SHQ1: variants seen among roughly 807,000 people sequenced by gnomAD.
SHQ1 encodes protein SHQ1 homolog.
In SHQ1, 49 loss-of-function variants were observed where a neutral mutation model predicts 53.8. That is an observed-to-expected ratio of 0.91 (90% CI 0.72 to 1.16). SHQ1 has a LOEUF of 1.16. Ranked by LOEUF, SHQ1 falls within the 50% of genes most tolerant of loss-of-function variation. The pLI is 0.00. For missense variants in SHQ1, 738 were observed against 683.1 expected (o/e 1.08, Z -0.90); for synonymous variants, 243 against 251.0 (o/e 0.97, Z 0.30).
intron 9 of SHQ1, among the ~76,000 whole-genome samples, chr3:72,802,648 CT>C (rs1301672734): frequency 6.6e-6 from 1 of 152,138 alleles, no homozygotes; most frequent in Non-Finnish European, 1.5e-5. Context: ...AATACCGCTC[CT>C]CCACATCTTC....
At chr3:72,737,323 G>C in the SHQ1 span, among the ~76,000 whole-genome samples, 1 of 151,918 alleles carries the variant, frequency 6.6e-6, no homozygotes. Context: ...AGGTACTGTA[G>C]GGTTAAAACC....
In SHQ1 at chr3:72,793,055, A is replaced by C. The variant is rs1444311069; in HGVS notation, c.1061-19T>G. On this transcript the variant is annotated intron_variant, in intron 9 of 10. Coordinates refer to ENST00000325599, the MANE Select transcript of SHQ1 (RefSeq NM_018130.3). ...CTTTTACCTAAAGAAAATTGAAAAAACATAAAATTATCCTTAAGAAAAAGA... is the reference window on the plus strand; with the variant it reads ...CTTTTACCTAAAGAAAATTGAAAAACCATAAAATTATCCTTAAGAAAAAGA... 3.2e-6 allele frequency: 5 copies of C among 1,586,670 alleles called. No individual in the cohort carries two copies. The African/African-American group carries it at 5.4e-5, about 17-fold the overall frequency.
chr3:72,801,256 C>G (rs1706776962), intron 9 of SHQ1, among the ~76,000 whole-genome samples: 2 of 151,996 alleles, frequency 1.3e-5, no homozygotes, highest in South Asian at 4.2e-4. Context: ...TTTAAAAAAC[C>G]CATAGGCATA....
chr3:72,751,535 T>TATATATATATATACAC (rs1444853961), intron 10 of SHQ1, among the ~76,000 whole-genome samples: 1 of 139,924 alleles, frequency 7.1e-6, no homozygotes, highest in African/African-American at 3.0e-5. Flanking sequence ...TATATACATA[T>TATATATATATATACAC]ACATACACTA....
At position 72,768,832 on chromosome 3, in the gene SHQ1, C is replaced by A. The variant is rs1259253589; in HGVS notation, c.1182-17996G>T. Among the ~76,000 whole-genome samples, 3 of 152,288 alleles carry A rather than the reference C, an allele frequency of 2.0e-5. No individual in the cohort carries two copies. In the East Asian group the frequency reaches 5.8e-4, roughly 29 times the overall value. Reference sequence around the variant, plus strand: ...GAGCCACCAGGTCAAATGCTGTGTGCCCCCAGTATGTTTTTCCCTAAGCAT... The same window carrying A: ...GAGCCACCAGGTCAAATGCTGTGTGACCCCAGTATGTTTTTCCCTAAGCAT... On this transcript the variant is annotated intron_variant, in intron 10 of 10. Coordinates refer to ENST00000325599, the MANE Select transcript of SHQ1 (RefSeq NM_018130.3).
chr3:72,741,178 C>T, the SHQ1 span, among the ~76,000 whole-genome samples: 2 of 152,136 alleles, frequency 1.3e-5, no homozygotes, highest in Non-Finnish European at 2.9e-5. Flanking sequence ...GCCAGCTGAC[C>T]CCACAGTCGG....
intron 9 of SHQ1, among the ~76,000 whole-genome samples, chr3:72,795,953 A>G (rs1028079559): frequency 6.6e-6 from 1 of 151,792 alleles, no homozygotes; most frequent in African/African-American, 2.4e-5. Flanking sequence ...AAATACAAAA[A>G]TGAGCCAGGC....
the SHQ1 span, among the ~76,000 whole-genome samples, chr3:72,742,713 T>G: frequency 6.8e-6 from 1 of 148,138 alleles, no homozygotes; most frequent in Non-Finnish European, 1.5e-5. Context: ...GCCTCCCAAC[T>G]TCAAGCGTTC....
At chr3:72,844,226 A>T in intron 2 of SHQ1, 133 bp downstream of exon 2, 2 of 719,716 alleles carry the variant, frequency 2.8e-6, no homozygotes, top group Non-Finnish European at 4.7e-6. Flanking sequence ...GACACTAAGA[A>T]ACAAGAAAGA....
Position 72,824,543 on chromosome 3 carries a change from A to C in SHQ1, c.608T>G (p.Phe203Cys), listed in dbSNP as rs375764192. ...CTGTTCAATCGCCTCATCTTCAAAAAAGTCAGCTCTAGGAAAAAACATTGA... is the reference window on the plus strand; with the variant it reads ...CTGTTCAATCGCCTCATCTTCAAAACAGTCAGCTCTAGGAAAAAACATTGA... ...KFDPDHYLAD[F>C]FEDEAIEQIL... Residue 203 changes from phenylalanine (F) to cysteine (C), a missense_variant, in exon 6 of 11, where the codon TTT becomes TGT. By Grantham distance (205) the Phe-to-Cys change is radical. Coordinates refer to ENST00000325599, the MANE Select transcript of SHQ1 (RefSeq NM_018130.3). The C allele has an allele frequency of 9.9e-6, 16 of 1,609,170 alleles. No homozygotes were observed. The African/African-American group carries it at 1.6e-4, about 16-fold the overall frequency.
At chr3:72,773,940 T>C (rs991496327) in intron 10 of SHQ1, among the ~76,000 whole-genome samples, 5 of 152,204 alleles carry the variant, frequency 3.3e-5, no homozygotes, top group Admixed American at 2.0e-4. Context: ...ATTTTTGTAG[T>C]TAGGTTTGAA....
At chr3:72,846,114 G>T in intron 1 of SHQ1, 1 of 1,167,030 alleles carries the variant, frequency 8.6e-7, no homozygotes, top group Non-Finnish European at 1.2e-6. Context: ...CACAACAGGT[G>T]AGCATTCAGA....
At chr3:72,742,341 A>G in the SHQ1 span, among the ~76,000 whole-genome samples, 1 of 152,104 alleles carries the variant, frequency 6.6e-6, no homozygotes, top group Non-Finnish European at 1.5e-5. Flanking sequence ...AAAACAGGAA[A>G]ATCCTCGCTA....
At position 72,808,950 on chromosome 3, in the gene SHQ1, C is replaced by A. The variant is rs546440594; in HGVS notation, c.1060+3721G>T. On this transcript the variant is annotated intron_variant, in intron 9 of 10. Transcript: ENST00000325599. ...TTCAGGAGCTTAAGAGTAAAGAGGTCCAGAAAAAATGTCCATGGATAAAGG... is the reference window on the plus strand; with the variant it reads ...TTCAGGAGCTTAAGAGTAAAGAGGTACAGAAAAAATGTCCATGGATAAAGG... Among the ~76,000 whole-genome samples, 4 of 152,090 alleles carry A rather than the reference C, an allele frequency of 2.6e-5. No homozygotes were observed. In the South Asian group the frequency reaches 8.3e-4, roughly 32 times the overall value.
chr3:72,801,565 T>C (rs967454034), intron 9 of SHQ1, among the ~76,000 whole-genome samples: 1 of 152,262 alleles, frequency 6.6e-6, no homozygotes, highest in Middle Eastern at 3.4e-3. Context: ...CTACCACTGA[T>C]GAATTTATTT....
At chr3:72,817,154 CAAGA>C in intron 7 of SHQ1, 72 bp downstream of exon 7, 1 of 1,484,770 alleles carries the variant, frequency 6.7e-7, no homozygotes, top group Non-Finnish European at 9.1e-7. Flanking sequence ...CTACTCTAGA[CAAGA>C]AAGACTGATG....
At chr3:72,776,963 T>A (rs1334651327) in intron 10 of SHQ1, among the ~76,000 whole-genome samples, 1 of 152,152 alleles carries the variant, frequency 6.6e-6, no homozygotes, top group Non-Finnish European at 1.5e-5. Flanking sequence ...GAGGAAAGGA[T>A]AGACTATTTA....
At position 72,840,894 on chromosome 3, in the gene SHQ1, C is replaced by A. The variant is rs963137527; in HGVS notation, c.486+151G>T. On this transcript the variant is annotated intron_variant, in intron 4 of 10. Coordinates refer to ENST00000325599, the MANE Select transcript of SHQ1 (RefSeq NM_018130.3). ...AGCCAATGAAATGGAAGGGAATGCACATCTATGTACTTTAGCTGTGCTAAG... is the reference window on the plus strand; with the variant it reads ...AGCCAATGAAATGGAAGGGAATGCAAATCTATGTACTTTAGCTGTGCTAAG... 25 of 824,092 alleles carry A rather than the reference C, an allele frequency of 3.0e-5. No individual in the cohort carries two copies. In the Admixed American group the frequency reaches 4.2e-4, roughly 14 times the overall value. The allele number at this position is 824,092 out of a possible 1,614,324, so 51.0% of individuals were successfully genotyped here.
At chr3:72,826,044 G>A (rs1707643602) in intron 5 of SHQ1, among the ~76,000 whole-genome samples, 1 of 152,028 alleles carries the variant, frequency 6.6e-6, no homozygotes, top group South Asian at 2.1e-4. Flanking sequence ...TTGTATCTTG[G>A]CCAAGTTCAG....
Sources: allele counts gnomAD v4.1 joint callset (sites outside exome capture counted in the v4.1 genomes callset), GRCh38; gene constraint gnomAD v4.1.1; transcripts MANE v1.5; gene names NCBI Gene and HGNC (gene_info 2026-07-23, HGNC 2026-07-21).